The following SGCD variants were observed in gnomAD, a reference collection of about 807,000 sequenced individuals.
SGCD encodes the protein delta-sarcoglycan.
Under a neutral mutation model 36.6 loss-of-function variants are expected in SGCD, and 18 were observed. That is an observed-to-expected ratio of 0.49 (90% CI 0.34 to 0.73). SGCD has a LOEUF of 0.73. Among genes scored for constraint, SGCD ranks in the 30% least tolerant of loss-of-function variants. The pLI is 0.01. For missense variants in SGCD, 387 were observed against 346.7 expected (o/e 1.12, Z -0.92); for synonymous variants, 133 against 130.6 (o/e 1.02, Z -0.12).
chr5:155,961,554 C>T (rs1262843972), intron 1 of SGCD, among the ~76,000 whole-genome samples: 2 of 152,096 alleles, frequency 1.3e-5, no homozygotes, highest in Non-Finnish European at 2.9e-5. Context: ...GTTTTCATTG[C>T]TGAAGACTAG....
rs149783084 is a variant in SGCD at position 156,679,476 on chromosome 5, A to G, written c.575+31940A>G. On this transcript the variant is annotated intron_variant, in intron 7 of 8. Coordinates refer to ENST00000337851, the MANE Select transcript of SGCD (RefSeq NM_000337.6). ...GAATTGCCTGTCTACACATACATAC[A>G]TGCACATGCCACCCTTGGGCAATGC... is the stretch of plus-strand genomic sequence containing the variant. Among the ~76,000 whole-genome samples the G allele has an allele frequency of 2.8e-4, 42 of 152,262 alleles. 1 individual carries two copies. In the East Asian group the frequency reaches 7.9e-3, roughly 29 times the overall value.
chr5:156,278,081 A>G (rs140990824), intron 3 of SGCD, among the ~76,000 whole-genome samples: 35 of 152,308 alleles, frequency 2.3e-4, no homozygotes, highest in Admixed American at 2.6e-4. Flanking sequence ...GCTGGAACTT[A>G]AAGATGAGAA....
chr5:156,409,817 C>A (rs1772645654), intron 3 of SGCD, among the ~76,000 whole-genome samples: 1 of 152,180 alleles, frequency 6.6e-6, no homozygotes, highest in Admixed American at 6.5e-5. Flanking sequence ...CTCACACCAT[C>A]CCAGCCTCCT....
chr5:155,841,139 C>A, the SGCD span, among the ~76,000 whole-genome samples: 2 of 151,850 alleles, frequency 1.3e-5, no homozygotes, highest in Non-Finnish European at 2.9e-5. Context: ...TTCCCCTTTG[C>A]CCTCTGAAGG....
chr5:156,654,430 T>C (rs1202044084), intron 7 of SGCD, among the ~76,000 whole-genome samples: 1 of 152,126 alleles, frequency 6.6e-6, no homozygotes, highest in Non-Finnish European at 1.5e-5. Flanking sequence ...CATACTTAGG[T>C]CTTTCTTCCT....
intron 3 of SGCD, among the ~76,000 whole-genome samples, chr5:156,265,754 A>G (rs934473054): frequency 6.6e-6 from 1 of 152,042 alleles, no homozygotes; most frequent in African/African-American, 2.4e-5. Flanking sequence ...TGCTTTGCAA[A>G]TCACCAAATG....
intron 1 of SGCD, among the ~76,000 whole-genome samples, chr5:156,003,888 T>C (rs886726882): frequency 6.6e-5 from 10 of 152,196 alleles, no homozygotes; most frequent in African/African-American, 2.4e-4. Context: ...ATATTAAAGA[T>C]GTTTTGATAT....
chr5:156,387,873 G>A (rs1470632661), intron 3 of SGCD, among the ~76,000 whole-genome samples: 1 of 152,176 alleles, frequency 6.6e-6, no homozygotes, highest in African/African-American at 2.4e-5. Flanking sequence ...TCGTATTATA[G>A]CCTAAAACTG....
chr5:156,134,175 T>G lies in SGCD; in HGVS notation c.-44+10156T>G, dbSNP rs552705695. Among the ~76,000 whole-genome samples the G allele has an allele frequency of 2.0e-5, 3 of 152,304 alleles. No individual in the cohort carries two copies. The South Asian group carries it at 6.2e-4, about 32-fold the overall frequency. ...TAAACCCACCCACTCTTGGTCCATTTCTTTTCATGAGACTTTTTCAAATGT... is the reference window on the plus strand; with the variant it reads ...TAAACCCACCCACTCTTGGTCCATTGCTTTTCATGAGACTTTTTCAAATGT... On this transcript the variant is annotated intron_variant, in intron 3 of 9. Coordinates refer to the SGCD transcript ENST00000517913.
chr5:155,994,916 T>C (rs1419055615), intron 1 of SGCD, among the ~76,000 whole-genome samples: 4 of 152,292 alleles, frequency 2.6e-5, no homozygotes, highest in African/African-American at 4.8e-5. Context: ...CTCTCATTCA[T>C]GGATAGGCAT....
chr5:156,227,802 C>T (rs564241749), intron 3 of SGCD, among the ~76,000 whole-genome samples: 6 of 152,036 alleles, frequency 3.9e-5, no homozygotes, highest in Admixed American at 6.6e-5. Flanking sequence ...CCTCTTAACA[C>T]CACCTTTGCT....
At chr5:156,229,273 C>CATATATATATATATATATAT (rs1383896091) in intron 3 of SGCD, among the ~76,000 whole-genome samples, 59 of 8,552 alleles carry the variant, frequency 6.9e-3, no homozygotes, top group South Asian at 0.023. Flanking sequence ...TATATATATA[C>CATATATATATATATATATAT]ATACATATAT....
intron 3 of SGCD, among the ~76,000 whole-genome samples, chr5:156,203,219 A>G (rs1764194161): frequency 6.6e-6 from 1 of 152,094 alleles, no homozygotes; most frequent in South Asian, 2.1e-4. Context: ...TTGTTCAATT[A>G]TGTTATATCT....
At chr5:156,520,043 G>A (rs981455660) in intron 4 of SGCD, among the ~76,000 whole-genome samples, 1 of 152,124 alleles carries the variant, frequency 6.6e-6, no homozygotes, top group Non-Finnish European at 1.5e-5. Flanking sequence ...AAGAAATAAA[G>A]CATATTCAAA....
intron 7 of SGCD, among the ~76,000 whole-genome samples, chr5:156,720,008 C>T (rs1755417178): frequency 1.3e-5 from 2 of 152,168 alleles, no homozygotes; most frequent in South Asian, 2.1e-4. Context: ...TGCCTTACTG[C>T]TCCTTCCAGG....
intron 3 of SGCD, among the ~76,000 whole-genome samples, chr5:156,258,334 T>A (rs1216908397): frequency 6.6e-6 from 1 of 152,200 alleles, no homozygotes; most frequent in Non-Finnish European, 1.5e-5. Flanking sequence ...AGAGAACCAG[T>A]ATTCTCTAAA....
At position 155,929,260 on chromosome 5, in the gene SGCD, A is replaced by G. The variant is rs533360816; in HGVS notation, c.-282+58836A>G. 5.9e-5 allele frequency among the ~76,000 whole-genome samples: 9 copies of G among 152,308 alleles called. No homozygotes were observed. The South Asian group carries it at 1.7e-3, about 28-fold the overall frequency. ...GTCTGATTTTTCTCTTCATTGGATC[A>G]TCTCCAGTACCTAGCATTGTACATA... is the stretch of plus-strand genomic sequence containing the variant. On this transcript the variant is annotated intron_variant, in intron 1 of 9. Coordinates refer to the SGCD transcript ENST00000517913.
chr5:155,775,675 G>T, the SGCD span, among the ~76,000 whole-genome samples: 1 of 152,110 alleles, frequency 6.6e-6, no homozygotes, highest in Non-Finnish European at 1.5e-5. Flanking sequence ...CAAACAGGGT[G>T]AAAATGGTCA....
chr5:156,006,755 G>T (rs1254494271), intron 1 of SGCD, among the ~76,000 whole-genome samples: 5 of 152,108 alleles, frequency 3.3e-5, no homozygotes, highest in African/African-American at 1.2e-4. Flanking sequence ...TTAATCTATT[G>T]TATAGGGTTG....
Sources: allele counts gnomAD v4.1 joint callset (sites outside exome capture counted in the v4.1 genomes callset), GRCh38; gene constraint gnomAD v4.1.1; transcripts MANE v1.5; gene names NCBI Gene and HGNC (gene_info 2026-07-23, HGNC 2026-07-21).